NRXN2: variants seen among roughly 807,000 people sequenced by gnomAD.
NRXN2 encodes the protein neurexin 2.
In NRXN2, 29 loss-of-function variants were observed where a neutral mutation model predicts 128.8. The observed-to-expected ratio is 0.23, with a 90% CI of 0.17 to 0.31. The LOEUF is 0.31. NRXN2 is among the 10% of genes least tolerant of loss of function. The pLI is 1.00. For synonymous variants in NRXN2, 1,098 were observed against 1,075.2 expected (o/e 1.02, Z -0.41); for missense variants, 1,881 against 2,452.6 (o/e 0.77, Z 4.92).
intron 7 of NRXN2, among the ~76,000 whole-genome samples, chr11:64,671,253 T>G (rs537248487): frequency 2.0e-5 from 3 of 148,128 alleles, no homozygotes; most frequent in African/African-American, 2.5e-5. Flanking sequence ...AGGTGGGGAG[T>G]AGAGGGAGAT....
At chr11:64,639,848 G>A (rs1294976578) in intron 17 of NRXN2, among the ~76,000 whole-genome samples, 1 of 152,152 alleles carries the variant, frequency 6.6e-6, no homozygotes, top group Non-Finnish European at 1.5e-5. Context: ...ACACTGGGCA[G>A]AGAGGAAGCC....
At chr11:64,692,996 A>C in intron 3 of NRXN2, 120 bp from the exon 4 acceptor site, 5 of 858,618 alleles carry the variant, frequency 5.8e-6, no homozygotes, top group Non-Finnish European at 9.3e-6. Context: ...AGGGAGAAAA[A>C]AGCTTTTGCT....
chr11:64,688,892 T>C (rs1323374805), intron 5 of NRXN2: 1 of 744,732 alleles, frequency 1.3e-6, no homozygotes, highest in Non-Finnish European at 1.6e-6. Flanking sequence ...TCTCGAGCTC[T>C]ACAGCTGTCT....
At chr11:64,672,574 G>GA (rs2050775440) in intron 7 of NRXN2, among the ~76,000 whole-genome samples, 1 of 152,058 alleles carries the variant, frequency 6.6e-6, no homozygotes, top group Non-Finnish European at 1.5e-5. Context: ...GCCTCCGTGG[G>GA]TTTTTTTCCT....
chr11:64,684,201 C>T (rs1461280298), intron 6 of NRXN2, among the ~76,000 whole-genome samples: 1 of 152,154 alleles, frequency 6.6e-6, no homozygotes, highest in African/African-American at 2.4e-5. Context: ...GGTGACAGCG[C>T]TGGTCCTAGA....
intron 2 of NRXN2, among the ~76,000 whole-genome samples, chr11:64,710,015 C>A (rs1386913187): frequency 1.3e-5 from 2 of 151,042 alleles, no homozygotes; most frequent in East Asian, 3.9e-4. Flanking sequence ...TCAAGCAATT[C>A]TCCTGCCTCA....
In NRXN2 at chr11:64,671,575, C is replaced by A. The variant is rs564367972; in HGVS notation, c.1198-2971G>T. On this transcript the variant is annotated intron_variant, in intron 7 of 22. Transcript: ENST00000265459. ...GAGGGGGCCGTGCGACACAGAACAG[C>A]CACTGCAGCTGGACACATGCAGGTT... 5.3e-5 allele frequency among the ~76,000 whole-genome samples: 8 copies of A among 152,124 alleles called. No homozygotes were observed. In the South Asian group the frequency reaches 1.7e-3, roughly 32 times the overall value.
chr11:64,693,573 C>T (rs1222800534), intron 3 of NRXN2, among the ~76,000 whole-genome samples: 1 of 152,116 alleles, frequency 6.6e-6, no homozygotes, highest in Non-Finnish European at 1.5e-5. Context: ...AAGCATCCCC[C>T]ACTAAAGCGG....
At chr11:64,636,274 C>G (rs963070424) in intron 17 of NRXN2, among the ~76,000 whole-genome samples, 5 of 152,066 alleles carry the variant, frequency 3.3e-5, no homozygotes, top group Non-Finnish European at 5.9e-5. Flanking sequence ...CCTCTCTCCC[C>G]TTCTCCTTCT....
At chr11:64,650,989 T>C (rs1288851401) in intron 14 of NRXN2, among the ~76,000 whole-genome samples, 1 of 152,144 alleles carries the variant, frequency 6.6e-6, no homozygotes, top group East Asian at 1.9e-4. Flanking sequence ...GACTGACTTC[T>C]GCCTGTAGAG....
At chr11:64,653,587 T>C in intron 12 of NRXN2, 109 bp downstream of exon 12, 1 of 1,129,402 alleles carries the variant, frequency 8.9e-7, no homozygotes, top group South Asian at 1.3e-5. Context: ...CAACCCCCAT[T>C]CGAGCCAGCA....
intron 3 of NRXN2, among the ~76,000 whole-genome samples, chr11:64,695,873 G>C (rs2054439689): frequency 6.6e-6 from 1 of 151,920 alleles, no homozygotes; most frequent in African/African-American, 2.4e-5. Context: ...CTTCCCCATG[G>C]GTCCCCAAAG....
intron 11 of NRXN2, among the ~76,000 whole-genome samples, chr11:64,658,204 C>T (rs1166501529): frequency 3.3e-5 from 5 of 152,182 alleles, no homozygotes; most frequent in East Asian, 3.8e-4. Context: ...CCTGCTGTGT[C>T]CCCAGCAAGC....
chr11:64,622,627 G>T lies in NRXN2; in HGVS notation c.4173+126C>A. On this transcript the variant is annotated intron_variant, in intron 21 of 22. Transcript: ENST00000265459. The surrounding 1 kb of genome is among the most constrained non-coding windows in gnomAD (Gnocchi z 4.3). Reference sequence around the variant, plus strand: ...CGCCATGGCAACAAAGTCAGCGACAGCAGCCTTCAGGATCCCAACAGACCC... The same window carrying T: ...CGCCATGGCAACAAAGTCAGCGACATCAGCCTTCAGGATCCCAACAGACCC... 7.3e-7 allele frequency: 1 copy of T among 1,366,072 alleles called. No individual in the cohort carries two copies. Among genetic ancestry groups the T allele is most frequent in the Non-Finnish European group, 9.9e-7 (1 of 1,007,250 alleles). 84.6% of individuals were successfully genotyped at this position (1,366,072 alleles called of 1,614,324 possible). A position where few individuals can be genotyped will look rare whatever the true frequency, so the allele number is the denominator to read the frequency against.
At position 64,660,472 on chromosome 11, in the gene NRXN2, T is replaced by A. The variant is rs1204843208; in HGVS notation, c.2249A>T (p.His750Leu). 5.6e-6 allele frequency: 9 copies of A among 1,614,212 alleles called. No homozygotes were observed. The highest frequency in any genetic ancestry group is 7.6e-6 in the Non-Finnish European group (9 of 1,180,032). Residue 750 changes from histidine (H) to leucine (L), a missense_variant, in exon 11 of 23, where the codon CAC becomes CTC. Physicochemically the swap from His to Leu is moderately conservative, Grantham distance 99. Coordinates refer to ENST00000265459, the MANE Select transcript of NRXN2 (RefSeq NM_015080.4). This position sits in a 1 kb window ranked among gnomAD's most constrained non-coding sequence, Gnocchi z 5.2. ...YMKIMLPNAM[H>L]TEAEDVSLRF... is the part of the protein sequence containing the mutation. ...CAGGGACACATCCTCTGCCTCCGTG[T>A]GCATGGCGTTAGGCAGCATGATCTT...
chr11:64,627,419 C>G lies in NRXN2; in HGVS notation c.3758-867G>C, dbSNP rs371705107. 1.5e-4 allele frequency among the ~76,000 whole-genome samples: 23 copies of G among 151,830 alleles called. No individual in the cohort carries two copies. In the East Asian group the frequency reaches 2.1e-3, roughly 14 times the overall value. On this transcript the variant is annotated intron_variant, in intron 19 of 22. Coordinates refer to ENST00000265459, the MANE Select transcript of NRXN2 (RefSeq NM_015080.4). ...CGCCTTCCTCTGCACCCTCCTCTGC[C>G]CCGAATGCACCTTGACCATTTTCTA... is the stretch of plus-strand genomic sequence containing the variant.
At chr11:64,612,891 A>G (rs2040886744) in intron 22 of NRXN2, among the ~76,000 whole-genome samples, 1 of 152,220 alleles carries the variant, frequency 6.6e-6, no homozygotes, top group African/African-American at 2.4e-5. Context: ...CAGTACCTTC[A>G]TGCAATATTG....
intron 17 of NRXN2, chr11:64,643,137 A>C (rs1414066086): frequency 4.3e-6 from 4 of 937,794 alleles, no homozygotes; most frequent in Non-Finnish European, 3.7e-6. Context: ...CATGGTGCCG[A>C]GTGGAGAGGG....
intron 17 of NRXN2, among the ~76,000 whole-genome samples, chr11:64,642,128 G>T (rs183060628): frequency 1.1e-3 from 163 of 152,042 alleles, no homozygotes; most frequent in Non-Finnish European, 1.9e-3. Context: ...AGAGGTGGAG[G>T]CAAGACAGAT....
Sources: allele counts gnomAD v4.1 joint callset (sites outside exome capture counted in the v4.1 genomes callset), GRCh38; gene constraint gnomAD v4.1.1; non-coding constraint Gnocchi (gnomAD v3.1); transcripts MANE v1.5; gene names NCBI Gene and HGNC (gene_info 2026-07-23, HGNC 2026-07-21).